RNF150: variants seen among roughly 807,000 people sequenced by gnomAD.
RNF150 encodes ring finger protein 150.
RNF150 carries 24 observed loss-of-function variants against 39.3 expected under a neutral mutation model. That is an observed-to-expected ratio of 0.61 (90% CI 0.44 to 0.86). The LOEUF is 0.86. Ranked by LOEUF, RNF150 falls within the 40% of genes least tolerant of loss-of-function variation. The pLI is 0.00. For missense variants in RNF150, 502 were observed against 587.8 expected, an observed-to-expected ratio of 0.85 and a Z score of 1.51; for synonymous variants, 255 against 227.3, an observed-to-expected ratio of 1.12 and a Z score of -1.10.
chr4:140,988,764 C>A (rs1734096585), intron 1 of RNF150, among the ~76,000 whole-genome samples: 1 of 151,410 alleles, frequency 6.6e-6, no homozygotes, highest in African/African-American at 2.4e-5. Context: ...AAATGTCCAA[C>A]AATGATGGAC....
intron 2 of RNF150, among the ~76,000 whole-genome samples, chr4:140,961,426 C>CT (rs1467882975): frequency 1.3e-5 from 2 of 152,122 alleles, no homozygotes; most frequent in African/African-American, 4.8e-5. Context: ...TGGCTGGATA[C>CT]TTCGACAATG....
At chr4:141,000,089 GAA>G (rs1734605767) in intron 1 of RNF150, among the ~76,000 whole-genome samples, 3 of 112,294 alleles carry the variant, frequency 2.7e-5, no homozygotes, top group Non-Finnish European at 4.1e-5. Context: ...AGAAGAAGGA[GAA>G]GAAGAAGAAG....
intron 1 of RNF150, among the ~76,000 whole-genome samples, chr4:141,057,367 T>C (rs574183384): frequency 6.6e-6 from 1 of 152,190 alleles, no homozygotes; most frequent in African/African-American, 2.4e-5. Flanking sequence ...AGGTATGATT[T>C]AGAAAGCTAT....
intron 1 of RNF150, among the ~76,000 whole-genome samples, chr4:141,051,776 G>A (rs1319561599): frequency 6.6e-6 from 1 of 152,130 alleles, no homozygotes; most frequent in Non-Finnish European, 1.5e-5. Flanking sequence ...CTTCTTCTGA[G>A]CCCTCCAAAC....
At chr4:141,133,698 T>C (rs1399970492), upstream of RNF150, among the ~76,000 whole-genome samples, 1 of 152,142 alleles carries the variant, frequency 6.6e-6, no homozygotes, top group African/African-American at 2.4e-5. Context: ...TCCTGAGCGT[T>C]ACATTTAGCA....
At chr4:141,054,800 T>C (rs1736907533) in intron 1 of RNF150, among the ~76,000 whole-genome samples, 1 of 152,172 alleles carries the variant, frequency 6.6e-6, no homozygotes, top group African/African-American at 2.4e-5. Flanking sequence ...GAGCAAGACA[T>C]GGCTCTGAAC....
At chr4:141,160,249 T>C (rs80354356) in intron 1 of RNF150, among the ~76,000 whole-genome samples, 1,728 of 152,298 alleles carry the variant, frequency 0.011, 38 homozygotes, top group African/African-American at 0.038. Flanking sequence ...TTATCACAGA[T>C]TATCTGGCTA....
intron 6 of RNF150, 145 bp downstream of exon 6, chr4:140,910,999 C>T: frequency 1.5e-6 from 1 of 685,722 alleles, no homozygotes; most frequent in Non-Finnish European, 2.5e-6. Flanking sequence ...GGCAGTTCTT[C>T]TAACAGCTGG....
intron 1 of RNF150, among the ~76,000 whole-genome samples, chr4:141,094,334 A>G (rs73849808): frequency 6.6e-6 from 1 of 152,278 alleles, no homozygotes; most frequent in East Asian, 1.9e-4. Flanking sequence ...ACTTCTACCA[A>G]GTAGTGACTA....
At chr4:141,146,389 C>T (rs1453601738) in intron 1 of RNF150, among the ~76,000 whole-genome samples, 1 of 152,152 alleles carries the variant, frequency 6.6e-6, no homozygotes, top group Non-Finnish European at 1.5e-5. Context: ...ATTTAAGAAA[C>T]ATTCACTACG....
chr4:141,043,547 T>TA (rs1022805686), intron 1 of RNF150, among the ~76,000 whole-genome samples: 4 of 152,102 alleles, frequency 2.6e-5, no homozygotes, highest in African/African-American at 4.8e-5. Context: ...ATAGGGAGAC[T>TA]AAAAAAATGT....
chr4:141,084,734 C>A (rs1015335503), intron 1 of RNF150, among the ~76,000 whole-genome samples: 3 of 152,142 alleles, frequency 2.0e-5, no homozygotes, highest in African/African-American at 7.2e-5. Flanking sequence ...TTCACTTTGT[C>A]AAAATTTGGG....
At chr4:141,079,786 A>G (rs990558829) in intron 1 of RNF150, among the ~76,000 whole-genome samples, 2 of 152,230 alleles carry the variant, frequency 1.3e-5, no homozygotes, top group Non-Finnish European at 1.5e-5. Context: ...CATGTCTGGC[A>G]TTTATGTCCT....
intron 1 of RNF150, among the ~76,000 whole-genome samples, chr4:141,146,631 A>T (rs1273109844): frequency 6.6e-6 from 1 of 152,172 alleles, no homozygotes; most frequent in Non-Finnish European, 1.5e-5. Flanking sequence ...TAAAAAAAAG[A>T]AAGTTAAGGT....
chr4:141,087,763 A>T (rs1000747788), intron 1 of RNF150, among the ~76,000 whole-genome samples: 1 of 152,154 alleles, frequency 6.6e-6, no homozygotes, highest in Non-Finnish European at 1.5e-5. Flanking sequence ...CTCACCCAAC[A>T]TAAGTTGGAC....
At chr4:141,125,583 T>A (rs762646914) in intron 1 of RNF150, among the ~76,000 whole-genome samples, 1 of 152,226 alleles carries the variant, frequency 6.6e-6, no homozygotes, top group Non-Finnish European at 1.5e-5. Context: ...TTATATGCTA[T>A]GCTTAATGTC....
At chr4:141,085,541 C>T (rs554256541) in intron 1 of RNF150, among the ~76,000 whole-genome samples, 1 of 152,346 alleles carries the variant, frequency 6.6e-6, no homozygotes, top group African/African-American at 2.4e-5. Context: ...TGGTGCCAGA[C>T]TGCCCCAGCC....
intron 2 of RNF150, among the ~76,000 whole-genome samples, chr4:140,950,949 G>A (rs1560983107): frequency 6.6e-6 from 1 of 152,152 alleles, no homozygotes; most frequent in Admixed American, 6.5e-5. Flanking sequence ...AAGGCAGCAG[G>A]CAAAAATAGG....
chr4:141,110,065 A>G (rs897313169), intron 1 of RNF150, among the ~76,000 whole-genome samples: 2 of 152,176 alleles, frequency 1.3e-5, no homozygotes, highest in Non-Finnish European at 2.9e-5. Context: ...ATCTGCAGGC[A>G]ATTTCTTCTT....
Sources: allele counts gnomAD v4.1 joint callset (sites outside exome capture counted in the v4.1 genomes callset), GRCh38; gene constraint gnomAD v4.1.1; transcripts MANE v1.5; gene names NCBI Gene and HGNC (gene_info 2026-07-23, HGNC 2026-07-21).